The following LHPP variants were observed in gnomAD, a reference collection of about 807,000 sequenced individuals.
The protein encoded by LHPP is phospholysine phosphohistidine inorganic pyrophosphate phosphatase, also known as hLHPP.
LHPP carries 24 observed loss-of-function variants against 30.3 expected under a neutral mutation model. The observed-to-expected ratio is 0.79, with a 90% CI of 0.57 to 1.11. The LOEUF (loss-of-function observed/expected upper bound fraction) is 1.11. LHPP is among the 50% of genes most tolerant of loss of function. The probability of loss-of-function intolerance (pLI) is 0.00; values close to 1 mark genes in which losing one functional copy is unlikely to be tolerated. For missense variants in LHPP, 356 were observed against 367.2 expected, an observed-to-expected ratio of 0.97 and a Z score of 0.25; for synonymous variants, 150 against 157.1, an observed-to-expected ratio of 0.95 and a Z score of 0.34.
Position 124,501,617 on chromosome 10 carries a change from A to AG in LHPP, c.624+3489_624+3490insG, listed in dbSNP as rs1307921388. On this transcript the variant is annotated intron_variant, in intron 5 of 6. Coordinates refer to ENST00000368842, the MANE Select transcript of LHPP (RefSeq NM_022126.4). ...ACTCTGTCTTAAAAAAAAAAAAAAA[A>AG]AAAAGAAAAATATTCTGGAACTGGA... is the stretch of plus-strand genomic sequence containing the variant. 3.3e-5 allele frequency among the ~76,000 whole-genome samples: 5 copies of AG among 150,584 alleles called. 1 individual carries two copies. The highest frequency in any genetic ancestry group is 2.1e-4 in the South Asian group (1 of 4,754).
intron 6 of LHPP, among the ~76,000 whole-genome samples, chr10:124,556,390 G>T (rs545748588): frequency 1.3e-5 from 2 of 152,322 alleles, no homozygotes; most frequent in African/African-American, 4.8e-5. Context: ...CCCTGCTCCC[G>T]CGTGTGGACG....
rs536132589 is a variant in LHPP, at chr10:124,593,099, C to T, written c.717-20165C>T. Among the ~76,000 whole-genome samples the T allele has an allele frequency of 7.2e-5, 11 of 152,200 alleles. No individual in the cohort carries two copies. Among genetic ancestry groups the T allele is most frequent in the Non-Finnish European group, 1.0e-4 (7 of 68,032 alleles). ...GAGGGTGCTGCCCTCCCCACTGGCCCGCTCTGGGTCCCTGTGCTATGCCTC... is the reference window on the plus strand; with the variant it reads ...GAGGGTGCTGCCCTCCCCACTGGCCTGCTCTGGGTCCCTGTGCTATGCCTC... On this transcript the variant is annotated intron_variant, in intron 6 of 6. Coordinates refer to ENST00000368842, the MANE Select transcript of LHPP (RefSeq NM_022126.4). This position sits in a 1 kb window ranked among gnomAD's most constrained non-coding sequence, Gnocchi z 4.9.
In LHPP at chr10:124,488,504, T is replaced by C; in HGVS notation, c.396T>C (p.Tyr132=). ...CAGACGCAGGAGAAAGCTTTTCTTA[T>C]CAAAACATGAATAACGCCTTCCAGG... The part of the protein sequence containing the change: ...VIADAGESFS[Y]QNMNNAFQVL... The change falls in exon 3 of 7, where the codon TAT becomes TAC. Residue 132 remains tyrosine, a synonymous_variant. Coordinates refer to ENST00000368842, the MANE Select transcript of LHPP (RefSeq NM_022126.4). The C allele has an allele frequency of 1.9e-6, 3 of 1,613,948 alleles. No homozygotes were observed. The highest frequency in any genetic ancestry group is 2.5e-6 in the Non-Finnish European group (3 of 1,180,014).
Position 124,517,883 on chromosome 10 carries a change from C to T in LHPP, c.716+612C>T, listed in dbSNP as rs1483432205. Among the ~76,000 whole-genome samples the T allele has an allele frequency of 6.6e-6, 1 of 152,202 alleles. No individual in the cohort carries two copies. The highest frequency in any genetic ancestry group is 2.4e-5 in the African/African-American group (1 of 41,440). The stretch of plus-strand genomic sequence containing the variant: ...CCCAAGCTCCAGCTCGCCTGGTCAT[C>T]GAGAGGATCTTGGACATCAGAGTGT... On this transcript the variant is annotated intron_variant, in intron 6 of 6. Coordinates refer to ENST00000368842, the MANE Select transcript of LHPP (RefSeq NM_022126.4). The surrounding 1 kb of genome is among the most constrained non-coding windows in gnomAD (Gnocchi z 4.1).
chr10:124,571,583 AG>A (rs1190558784), intron 6 of LHPP, among the ~76,000 whole-genome samples: 1 of 152,232 alleles, frequency 6.6e-6, no homozygotes, highest in African/African-American at 2.4e-5. Context: ...CAAAGGGCAG[AG>A]CCCCCCGTGT....
At chr10:124,584,908 T>C (rs1385916623) in intron 6 of LHPP, among the ~76,000 whole-genome samples, 1 of 152,202 alleles carries the variant, frequency 6.6e-6, no homozygotes, top group Non-Finnish European at 1.5e-5. Context: ...CCTCACGCGA[T>C]GGGTCGCAGT....
rs1477204277 is a variant in LHPP, at chr10:124,541,598, GC to G, written c.716+24329del. On this transcript the variant is annotated intron_variant, in intron 6 of 6. Transcript: ENST00000368842. This position sits in a 1 kb window ranked among gnomAD's most constrained non-coding sequence, Gnocchi z 4.2. ...GCCTGTCTGCAGGACCCCCGCGTGA[GC>G]CTGGGACCACCCGTGGGGACAGTGT... Among the ~76,000 whole-genome samples, 2 of 152,248 alleles carry G rather than the reference GC, an allele frequency of 1.3e-5. No homozygotes were observed. Among genetic ancestry groups the G allele is most frequent in the Admixed American group, 1.3e-4 (2 of 15,290 alleles).
chr10:124,462,076 GC>G, intron 1 of LHPP, 89 bp downstream of exon 1: 1 of 1,119,844 alleles, frequency 8.9e-7, no homozygotes, highest in Non-Finnish European at 1.1e-6. Context: ...GCGGCAGGGG[GC>G]GGGGCCGCGG....
intron 6 of LHPP, among the ~76,000 whole-genome samples, chr10:124,601,186 C>T (rs1292914333): frequency 3.3e-5 from 5 of 152,122 alleles, no homozygotes; most frequent in East Asian, 1.9e-4. Flanking sequence ...GTGTGCCTGG[C>T]GTGGGAACAG....
In LHPP at chr10:124,590,639, C is replaced by T. The variant is rs1281136191; in HGVS notation, c.717-22625C>T. Among the ~76,000 whole-genome samples the T allele has an allele frequency of 6.6e-6, 1 of 152,224 alleles. No individual in the cohort carries two copies. Among genetic ancestry groups the T allele is most frequent in the East Asian group, 1.9e-4 (1 of 5,194 alleles). ...CTGCCCAGGACTCTCCCCACCCGCA[C>T]AGTGTACCTGTCCCACAGTGGCACC... is the stretch of plus-strand genomic sequence containing the variant. On this transcript the variant is annotated intron_variant, in intron 6 of 6. Transcript: ENST00000368842. The surrounding 1 kb of genome is among the most constrained non-coding windows in gnomAD (Gnocchi z 4.3).
rs369496710 is a variant in LHPP, at chr10:124,523,767, A to G, written c.716+6496A>G. 1.5e-3 allele frequency among the ~76,000 whole-genome samples: 229 copies of G among 152,284 alleles called. 6 individuals carry two copies. The South Asian group carries it at 0.046, about 31-fold the overall frequency. ...TCCGAGCCAGCCCCGGTGGAGAGAA[A>G]GGGCCAGTGCTGGGCTTGGGAGCTC... On this transcript the variant is annotated intron_variant, in intron 6 of 6. Coordinates refer to ENST00000368842, the MANE Select transcript of LHPP (RefSeq NM_022126.4). This position sits in a 1 kb window ranked among gnomAD's most constrained non-coding sequence, Gnocchi z 4.2.
At chr10:124,468,581 C>T (rs562200925) in intron 1 of LHPP, among the ~76,000 whole-genome samples, 2 of 152,304 alleles carry the variant, frequency 1.3e-5, no homozygotes, top group Admixed American at 6.5e-5. Flanking sequence ...AGGACCTTCT[C>T]AACTGACCTT....
At position 124,593,570 on chromosome 10, in the gene LHPP, G is replaced by T. The variant is rs941590475; in HGVS notation, c.717-19694G>T. ...ACTTTACTCCCATGTCCTCCTCTTG[G>T]GGGTGTGACATGAGGTCTTCCCCAA... is the stretch of plus-strand genomic sequence containing the variant. On this transcript the variant is annotated intron_variant, in intron 6 of 6. Transcript: ENST00000368842. This position sits in a 1 kb window ranked among gnomAD's most constrained non-coding sequence, Gnocchi z 4.9. 1.3e-5 allele frequency among the ~76,000 whole-genome samples: 2 copies of T among 152,210 alleles called. No homozygotes were observed. Among genetic ancestry groups the T allele is most frequent in the African/African-American group, 2.4e-5 (1 of 41,438 alleles).
At chr10:124,569,529 A>G (rs1232516653) in intron 6 of LHPP, among the ~76,000 whole-genome samples, 1 of 151,990 alleles carries the variant, frequency 6.6e-6, no homozygotes. Flanking sequence ...GCAAACGGGA[A>G]CGTGGCGGGC....
At chr10:124,565,963 C>A (rs1948483352) in intron 6 of LHPP, among the ~76,000 whole-genome samples, 1 of 152,248 alleles carries the variant, frequency 6.6e-6, no homozygotes, top group South Asian at 2.1e-4. Context: ...GCGGAGAGTG[C>A]CCCCTGCAGT....
rs1238937722 is a variant in LHPP, at chr10:124,523,368, G to T, written c.716+6097G>T. On this transcript the variant is annotated intron_variant, in intron 6 of 6. Coordinates refer to ENST00000368842, the MANE Select transcript of LHPP (RefSeq NM_022126.4). The surrounding 1 kb of genome is among the most constrained non-coding windows in gnomAD (Gnocchi z 4.2). ...CTTGCACAAAGCTGGAAGACGAGGG[G>T]CTGCAGGGTGCATGGCTGTGGAGCT... 6.6e-6 allele frequency among the ~76,000 whole-genome samples: 1 copy of T among 152,236 alleles called. No homozygotes were observed. The highest frequency in any genetic ancestry group is 2.4e-5 in the African/African-American group (1 of 41,466).
chr10:124,548,721 G>A lies in LHPP; in HGVS notation c.716+31450G>A, dbSNP rs542125707. 3.9e-5 allele frequency among the ~76,000 whole-genome samples: 6 copies of A among 152,320 alleles called. No individual in the cohort carries two copies. In the South Asian group the frequency reaches 6.2e-4, roughly 16 times the overall value. Reference sequence around the variant, plus strand: ...GCCCAGGTAGAGACCCTTGCTGGGCGGGCAGGTGGATCTTCGAGAATGGAG... The same window carrying A: ...GCCCAGGTAGAGACCCTTGCTGGGCAGGCAGGTGGATCTTCGAGAATGGAG... On this transcript the variant is annotated intron_variant, in intron 6 of 6. Transcript: ENST00000368842.
chr10:124,475,498 G>A (rs1347086817), intron 1 of LHPP, among the ~76,000 whole-genome samples: 1 of 151,968 alleles, frequency 6.6e-6, no homozygotes, highest in Admixed American at 6.5e-5. Context: ...CCAAGATCAT[G>A]CCACTGCACT....
intron 3 of LHPP, among the ~76,000 whole-genome samples, chr10:124,489,264 T>A (rs1311484495): frequency 6.6e-6 from 1 of 152,226 alleles, no homozygotes; most frequent in Non-Finnish European, 1.5e-5. Context: ...CCTATTTTGG[T>A]GTATGTCCTT....
Sources: gnomAD v4.1 joint callset for allele counts (sites outside exome capture counted in the v4.1 genomes callset) on GRCh38, gnomAD v4.1.1 for gene constraint, Gnocchi (gnomAD v3.1) non-coding constraint, MANE v1.5 for transcripts, NCBI Gene and HGNC (gene_info 2026-07-23, HGNC 2026-07-21) for gene names.